Variants in ZNF93 observed in about 807,000 individuals in gnomAD.
The protein encoded by ZNF93 is zinc finger protein 93.
In ZNF93, 29 loss-of-function variants were observed where a neutral mutation model predicts 45.0. The observed-to-expected ratio is 0.64, with a 90% CI of 0.48 to 0.88. ZNF93 has a LOEUF of 0.88. Ranked by LOEUF, ZNF93 falls within the 40% of genes least tolerant of loss-of-function variation. ZNF93 has a pLI of 0.00. For synonymous variants in ZNF93, 223 were observed against 244.6 expected (o/e 0.91, Z 0.82); for missense variants, 578 against 724.0 (o/e 0.80, Z 2.31).
Position 19,934,627 on chromosome 19 carries a change from C to G in ZNF93, c.1672C>G (p.Leu558Val). Residue 558 changes from leucine (L) to valine (V), a missense_variant, in exon 4 of 4, where the codon CTT becomes GTT. Coordinates refer to ENST00000343769, the MANE Select transcript of ZNF93 (RefSeq NM_031218.4). ...CACACACCTTACTACACATAAGATA[C>G]TTCATACTGGAGAGAAACCTTATAG... The part of the protein sequence containing the change: ...LSTHLTTHKI[L>V]HTGEKPYRCR... The G allele has an allele frequency of 1.2e-6, 2 of 1,612,774 alleles. No homozygotes were observed. The highest frequency in any genetic ancestry group is 8.5e-7 in the Non-Finnish European group (1 of 1,179,624).
intron 1 of ZNF93, chr19:19,914,800 G>T: frequency 2.7e-6 from 1 of 373,756 alleles, no homozygotes; most frequent in Non-Finnish European, 5.1e-6. Flanking sequence ...ATCCTTCTCG[G>T]GCCAAAAACA....
chr19:19,933,771 T>A lies in ZNF93; in HGVS notation c.816T>A (p.Leu272=), dbSNP rs1280792502. Residue 272 remains leucine (L), a synonymous_variant, in exon 4 of 4, where the codon CTT becomes CTA. Transcript: ENST00000343769. The stretch of plus-strand genomic sequence containing the variant: ...AAGCTTTTAACCAATCCTCGACACT[T>A]ACTAAACATAAGAAAATTCATACTG... ...CGKAFNQSST[L]TKHKKIHTGE... The A allele has an allele frequency of 6.2e-7, 1 of 1,612,216 alleles. No individual in the cohort carries two copies. The highest frequency in any genetic ancestry group is 8.5e-7 in the Non-Finnish European group (1 of 1,179,068).
intron 1 of ZNF93, among the ~76,000 whole-genome samples, chr19:19,902,969 G>T (rs981810019): frequency 2.6e-5 from 4 of 151,466 alleles, no homozygotes; most frequent in African/African-American, 9.7e-5. Flanking sequence ...TCGATCTCAT[G>T]ACCTCATGGT....
At chr19:19,914,873 G>A (rs1555779799) in intron 1 of ZNF93, 1 of 329,144 alleles carries the variant, frequency 3.0e-6, no homozygotes, top group Non-Finnish European at 5.7e-6. Flanking sequence ...GATCTTCTGG[G>A]AAAAAACCCC....
intron 1 of ZNF93, among the ~76,000 whole-genome samples, chr19:19,914,249 C>T (rs962037069): frequency 2.0e-5 from 3 of 152,008 alleles, no homozygotes; most frequent in Non-Finnish European, 4.4e-5. Context: ...GAAGATAATT[C>T]AGAAAATGCT....
chr19:19,906,181 C>A (rs527722833), intron 1 of ZNF93, among the ~76,000 whole-genome samples: 1 of 152,004 alleles, frequency 6.6e-6, no homozygotes, highest in African/African-American at 2.4e-5. Flanking sequence ...CCTTTCTCTG[C>A]ACCTTGCCAG....
chr19:19,917,829 T>C (rs114140547), intron 3 of ZNF93, among the ~76,000 whole-genome samples: 202 of 152,328 alleles, frequency 1.3e-3, no homozygotes, highest in African/African-American at 4.7e-3. Flanking sequence ...CAGTTTTTAA[T>C]ATACTGTTTA....
chr19:19,924,979 G>T (rs546672593), intron 3 of ZNF93, among the ~76,000 whole-genome samples: 1 of 152,184 alleles, frequency 6.6e-6, no homozygotes, highest in Non-Finnish European at 1.5e-5. Context: ...TTCAGGGAAC[G>T]CAGTAAAAGC....
chr19:19,916,629 G>C lies in ZNF93; in HGVS notation c.200G>C (p.Arg67Thr), dbSNP rs140713522. ...GGAAAAAAACCTTTGACTATGAAGA[G>C]ACATGAGATGGTAGCCAACCCCTCA... ...EQGKKPLTMKRHEMVANPSVI... is the reference protein window; with the variant it reads ...EQGKKPLTMKTHEMVANPSVI... The change falls in exon 3 of 4, where the codon AGA becomes ACA. Residue 67 changes from arginine (R) to threonine (T), a missense_variant. Transcript: ENST00000343769. 6.2e-7 allele frequency: 1 copy of C among 1,611,668 alleles called. No homozygotes were observed. The highest frequency in any genetic ancestry group is 8.5e-7 in the Non-Finnish European group (1 of 1,179,142).
At chr19:19,924,807 C>T (rs1436924837) in intron 3 of ZNF93, among the ~76,000 whole-genome samples, 1 of 151,944 alleles carries the variant, frequency 6.6e-6, no homozygotes, top group Admixed American at 6.6e-5. Context: ...TCAGGCTGGT[C>T]TCCCAACTCC....
chr19:19,902,508 T>G (rs1431156768), intron 1 of ZNF93, among the ~76,000 whole-genome samples: 1 of 152,018 alleles, frequency 6.6e-6, no homozygotes, highest in East Asian at 1.9e-4. Context: ...TCTGCCTGCC[T>G]TGGCCTCCTG....
intron 2 of ZNF93, among the ~76,000 whole-genome samples, chr19:19,915,904 G>A (rs1226939011): frequency 6.6e-6 from 1 of 152,080 alleles, no homozygotes; most frequent in Non-Finnish European, 1.5e-5. Flanking sequence ...ACATTCCTGA[G>A]TTGAGCTGTA....
intron 1 of ZNF93, among the ~76,000 whole-genome samples, chr19:19,907,442 T>A (rs755102417): frequency 1.1e-4 from 16 of 152,234 alleles, no homozygotes; most frequent in Non-Finnish European, 1.9e-4. Flanking sequence ...CAGTGGAGTC[T>A]GTAGTTGTGC....
chr19:19,929,869 C>T (rs1487331230), intron 3 of ZNF93, among the ~76,000 whole-genome samples: 1 of 126,518 alleles, frequency 7.9e-6, no homozygotes, highest in African/African-American at 3.0e-5. Flanking sequence ...ACCCGGGAGG[C>T]GGAGCTTGCA....
Position 19,935,031 on chromosome 19 carries a change from A to G in ZNF93, c.*213A>G, listed in dbSNP as rs146739355. 518 of 538,906 alleles carry G rather than the reference A, an allele frequency of 9.6e-4. 5 individuals are homozygous for G. Among genetic ancestry groups the G allele is most frequent in the African/African-American group, 8.8e-3 (465 of 52,914 alleles). The allele number at this position is 538,906 out of a possible 1,614,324, so 33.4% of individuals were successfully genotyped here. A position where few individuals can be genotyped will look rare whatever the true frequency, so the allele number is the denominator to read the frequency against. On this transcript the variant is annotated 3_prime_UTR_variant, in exon 4 of 4. Transcript: ENST00000343769. ...TTTACTACGGTACCTGAAGTGGTTC[A>G]ATGACTCAGTTTCAGTTACCTGAGC...
chr19:19,921,337 TTGCTGAGGAG>T (rs2063342018), intron 3 of ZNF93, among the ~76,000 whole-genome samples: 1 of 152,226 alleles, frequency 6.6e-6, no homozygotes, highest in African/African-American at 2.4e-5. Context: ...TCTTTTACAT[TTGCTGAGGAG>T]TGCTTTACTT....
At chr19:19,904,748 G>A (rs886540769) in intron 1 of ZNF93, among the ~76,000 whole-genome samples, 111 of 151,472 alleles carry the variant, frequency 7.3e-4, no homozygotes, top group African/African-American at 2.6e-3. Flanking sequence ...AGGCTGTCAC[G>A]CTGCCCATTG....
At position 19,934,514 on chromosome 19, in the gene ZNF93, A is replaced by T; in HGVS notation, c.1559A>T (p.Gln520Leu). ...KCEECGKAFNQSSTLIKHKKI... is the reference protein window; with the variant it reads ...KCEECGKAFNLSSTLIKHKKI... ...GAAGAATGTGGCAAAGCTTTTAACC[A>T]GTCCTCAACCCTTATTAAACATAAG... The change falls in exon 4 of 4, where the codon CAG becomes CTG. Residue 520 changes from glutamine (Q) to leucine (L), a missense_variant. This residue lies in a region of ZNF93 where 119 missense variants were observed against 123.1 expected (regional missense o/e 0.97). Transcript: ENST00000343769. 2.5e-6 allele frequency: 4 copies of T among 1,613,038 alleles called. No individual in the cohort carries two copies. Among genetic ancestry groups the T allele is most frequent in the Non-Finnish European group, 3.4e-6 (4 of 1,179,916 alleles).
chr19:19,924,461 C>A (rs758363447), intron 3 of ZNF93, among the ~76,000 whole-genome samples: 1 of 152,080 alleles, frequency 6.6e-6, no homozygotes, highest in Non-Finnish European at 1.5e-5. Context: ...AGATGTATTG[C>A]CAATGGACAC....
Sources: allele counts gnomAD v4.1 joint callset (sites outside exome capture counted in the v4.1 genomes callset), GRCh38; gene constraint gnomAD v4.1.1; regional missense constraint gnomAD v4.1.1; transcripts MANE v1.5; gene names NCBI Gene and HGNC (gene_info 2026-07-23, HGNC 2026-07-21).